Variants in TRAPPC10 observed in about 807,000 individuals in gnomAD.
The protein encoded by TRAPPC10 is TRAPP 130 kDa subunit.
Under a neutral mutation model 125.5 loss-of-function variants are expected in TRAPPC10, and 23 were observed. The ratio of observed to expected loss-of-function variants is 0.18; its 90% CI spans 0.13 to 0.26. The LOEUF is 0.26. TRAPPC10 is among the 10% of genes least tolerant of loss of function. The probability of loss-of-function intolerance (pLI) is 1.00; values close to 1 mark genes in which losing one functional copy is unlikely to be tolerated. For missense variants in TRAPPC10, 1,123 were observed against 1,308.4 expected (o/e 0.86, Z 2.19); for synonymous variants, 509 against 518.0 (o/e 0.98, Z 0.24).
At chr21:44,072,967 C>T (rs1037306804) in intron 7 of TRAPPC10, among the ~76,000 whole-genome samples, 1 of 152,328 alleles carries the variant, frequency 6.6e-6, no homozygotes, top group South Asian at 2.1e-4. Context: ...TGAGGACGCT[C>T]ATCAATCGGA....
Position 44,068,380 on chromosome 21 carries a change from A to T in TRAPPC10, c.1038+4595A>T, listed in dbSNP as rs145904240. ...TCTGGAGGAGCCTGGTCTTGCTAGA[A>T]CTTCAGGGGTGAGGCAGGCTTTGGG... is the stretch of plus-strand genomic sequence containing the variant. On this transcript the variant is annotated intron_variant, in intron 7 of 22. Coordinates refer to ENST00000291574, the MANE Select transcript of TRAPPC10 (RefSeq NM_003274.5). Among the ~76,000 whole-genome samples the T allele has an allele frequency of 1.8e-3, 274 of 152,146 alleles. 1 individual carries two copies. The highest frequency in any genetic ancestry group is 6.8e-3 in the Middle Eastern group (2 of 294).
At position 44,087,554 on chromosome 21, in the gene TRAPPC10, C is replaced by T; in HGVS notation, c.2540-145C>T. ...ACACAGGGCTGCTCTGTCCTAGGGG[C>T]CTTGTTCTTGGGTTTGCCTGCCAGG... On this transcript the variant is annotated intron_variant, in intron 16 of 22. Coordinates refer to ENST00000291574, the MANE Select transcript of TRAPPC10 (RefSeq NM_003274.5). This position sits in a 1 kb window ranked among gnomAD's most constrained non-coding sequence, Gnocchi z 4.6. 1.4e-6 allele frequency: 1 copy of T among 690,764 alleles called. No individual in the cohort carries two copies. The highest frequency in any genetic ancestry group is 2.5e-6 in the Non-Finnish European group (1 of 397,070). The allele number at this position is 690,764 out of a possible 1,614,324, so 42.8% of individuals were successfully genotyped here.
chr21:44,066,989 A>G (rs1221676534), intron 7 of TRAPPC10, among the ~76,000 whole-genome samples: 2 of 152,214 alleles, frequency 1.3e-5, no homozygotes, highest in Non-Finnish European at 2.9e-5. Context: ...GAAGGCCATA[A>G]TGTGTTTGTT....
intron 2 of TRAPPC10, among the ~76,000 whole-genome samples, chr21:44,034,342 C>G (rs1601602303): frequency 7.4e-6 from 1 of 134,246 alleles, no homozygotes; most frequent in African/African-American, 3.1e-5. Flanking sequence ...ACCCCCCCCC[C>G]CACCCCCGCC....
intron 14 of TRAPPC10, 127 bp downstream of exon 14, chr21:44,083,429 C>G (rs1402372761): frequency 1.9e-6 from 2 of 1,064,176 alleles, no homozygotes; most frequent in African/African-American, 3.2e-5. Context: ...GTTTTTGTCT[C>G]TGTCCTTATA....
intron 2 of TRAPPC10, among the ~76,000 whole-genome samples, chr21:44,033,820 A>G (rs1023029810): frequency 3.9e-5 from 6 of 152,172 alleles, no homozygotes; most frequent in South Asian, 2.1e-4. Flanking sequence ...CTGAGATTGC[A>G]CCACTGCACT....
intron 19 of TRAPPC10, among the ~76,000 whole-genome samples, chr21:44,092,695 G>A (rs78645309): frequency 0.013 from 2,015 of 152,190 alleles, 47 homozygotes; most frequent in African/African-American, 0.046. Context: ...ATGTAATAGC[G>A]GTGTTCAGCC....
chr21:44,086,433 T>C (rs141590601), intron 15 of TRAPPC10, among the ~76,000 whole-genome samples: 6 of 152,370 alleles, frequency 3.9e-5, no homozygotes, highest in Admixed American at 1.3e-4. Context: ...AGTCAAGTTT[T>C]CTTTACAGTC....
chr21:44,037,192 C>T (rs1393402119), intron 2 of TRAPPC10, among the ~76,000 whole-genome samples: 1 of 152,142 alleles, frequency 6.6e-6, no homozygotes, highest in African/African-American at 2.4e-5. Context: ...TTAGAAGCAT[C>T]GTTAGGCCGT....
At position 44,012,358 on chromosome 21, in the gene TRAPPC10, C is replaced by A. The variant is rs1359973268; in HGVS notation, c.-136C>A. ...GGCCGGCAGCAGCGGGCGGCAGCTG[C>A]GGCGCAACCGGCTCCGGAGCTGCCT... is the stretch of plus-strand genomic sequence containing the variant. On this transcript the variant is annotated 5_prime_UTR_variant, in exon 1 of 23. Transcript: ENST00000291574. 9.9e-6 allele frequency: 3 copies of A among 303,318 alleles called. No homozygotes were observed. The highest frequency in any genetic ancestry group is 2.3e-5 in the African/African-American group (1 of 43,956). 18.8% of individuals were successfully genotyped at this position (303,318 alleles called of 1,614,324 possible). A position where few individuals can be genotyped will look rare whatever the true frequency, so the allele number is the denominator to read the frequency against.
In TRAPPC10 at chr21:44,076,573, A is replaced by G. The variant is rs765903185; in HGVS notation, c.1322A>G (p.Tyr441Cys). The part of the protein sequence containing the change: ...PETANTAQSP[Y>C]KKLKEALSSV... ...TAAGCCAACACAGCTCAGAGTCCTT[A>G]TAAGAAACTGAAAGAAGCATTATCG... is the stretch of plus-strand genomic sequence containing the variant. Residue 441 changes from tyrosine (Y) to cysteine (C), a missense_variant, in exon 10 of 23, where the codon TAT becomes TGT. Coordinates refer to ENST00000291574, the MANE Select transcript of TRAPPC10 (RefSeq NM_003274.5). 3 of 1,614,142 alleles carry G rather than the reference A, an allele frequency of 1.9e-6. No homozygotes were observed. Among genetic ancestry groups the G allele is most frequent in the South Asian group, 1.1e-5 (1 of 91,084 alleles).
At chr21:44,030,823 A>G (rs2033514933) in intron 1 of TRAPPC10, among the ~76,000 whole-genome samples, 1 of 152,186 alleles carries the variant, frequency 6.6e-6, no homozygotes, top group African/African-American at 2.4e-5. Context: ...AAAAAGTGAT[A>G]AGTTCAAACA....
intron 7 of TRAPPC10, among the ~76,000 whole-genome samples, chr21:44,069,135 C>T (rs1307947752): frequency 6.6e-6 from 1 of 152,130 alleles, no homozygotes; most frequent in African/African-American, 2.4e-5. Context: ...GACATGAAAC[C>T]TTTATGGTTA....
intron 15 of TRAPPC10, among the ~76,000 whole-genome samples, chr21:44,085,562 C>T (rs889243166): frequency 6.6e-5 from 10 of 152,012 alleles, no homozygotes; most frequent in Non-Finnish European, 1.0e-4. Context: ...TGTAGTCGTG[C>T]GCCACGGCCT....
At chr21:44,019,224 A>G (rs1369469165) in intron 1 of TRAPPC10, among the ~76,000 whole-genome samples, 1 of 151,734 alleles carries the variant, frequency 6.6e-6, no homozygotes, top group Non-Finnish European at 1.5e-5. Flanking sequence ...AATTTTTTGT[A>G]TTTTCAGTAG....
chr21:44,087,624 C>T lies in TRAPPC10; in HGVS notation c.2540-75C>T. On this transcript the variant is annotated intron_variant, in intron 16 of 22. Coordinates refer to ENST00000291574, the MANE Select transcript of TRAPPC10 (RefSeq NM_003274.5). The surrounding 1 kb of genome is among the most constrained non-coding windows in gnomAD (Gnocchi z 4.6). ...TTGAGCAGTGGCCTCACTGCTGGGC[C>T]ATCACCTGCTGTAAGGAAAAGGACA... is the stretch of plus-strand genomic sequence containing the variant. 2.2e-6 allele frequency: 3 copies of T among 1,358,116 alleles called. No homozygotes were observed. The highest frequency in any genetic ancestry group is 3.1e-6 in the Non-Finnish European group (3 of 964,080). The allele number at this position is 1,358,116 out of a possible 1,614,324, so 84.1% of individuals were successfully genotyped here.
chr21:44,062,429 G>A, intron 6 of TRAPPC10: 1 of 438,604 alleles, frequency 2.3e-6, no homozygotes. Context: ...GTGAGAGATG[G>A]GGCAGTATGT....
In TRAPPC10 at chr21:44,063,726, G is replaced by A; in HGVS notation, c.979G>A (p.Val327Met). Residue 327 changes from valine (V) to methionine (M), a missense_variant, in exon 7 of 23, where the codon GTG becomes ATG. Physicochemically the swap from Val to Met is conservative, Grantham distance 21. Around this residue, in one of 4 missense-constraint regions of TRAPPC10, gnomAD observed 91 missense variants for 127.1 expected, o/e 0.72. Coordinates refer to ENST00000291574, the MANE Select transcript of TRAPPC10 (RefSeq NM_003274.5). This position sits in a 1 kb window ranked among gnomAD's most constrained non-coding sequence, Gnocchi z 4.4. ...LLLFLQRPWEVAQRALELLHN... is the reference protein window; with the variant it reads ...LLLFLQRPWEMAQRALELLHN... The stretch of plus-strand genomic sequence containing the variant: ...GCTCTTCCTGCAGAGGCCGTGGGAG[G>A]TGGCCCAGCGCGCCCTAGAGCTGCT... The A allele has an allele frequency of 6.2e-7, 1 of 1,614,186 alleles. No individual in the cohort carries two copies. The highest frequency in any genetic ancestry group is 8.5e-7 in the Non-Finnish European group (1 of 1,180,040).
chr21:44,051,406 T>C (rs1251358868), intron 3 of TRAPPC10, among the ~76,000 whole-genome samples: 1 of 152,202 alleles, frequency 6.6e-6, no homozygotes, highest in Non-Finnish European at 1.5e-5. Flanking sequence ...ATGAATTAAG[T>C]ATCTTGGTTT....
Sources: allele counts gnomAD v4.1 joint callset (sites outside exome capture counted in the v4.1 genomes callset), GRCh38; gene constraint gnomAD v4.1.1; regional missense constraint gnomAD v4.1.1; non-coding constraint Gnocchi (gnomAD v3.1); transcripts MANE v1.5; gene names NCBI Gene and HGNC (gene_info 2026-07-23, HGNC 2026-07-21).